Variants in DLGAP2 observed in about 807,000 individuals in gnomAD.
The protein encoded by DLGAP2 is disks large-associated protein 2.
DLGAP2 carries 26 observed loss-of-function variants against 100.3 expected under a neutral mutation model. That is an observed-to-expected ratio of 0.26 (90% CI 0.19 to 0.36). The LOEUF is 0.36. Among genes scored for constraint, DLGAP2 ranks in the 10% least tolerant of loss-of-function variants. DLGAP2 has a pLI of 1.00. For missense variants in DLGAP2, 1,858 were observed against 1,453.2 expected (o/e 1.28, Z -4.53); for synonymous variants, 886 against 630.1 (o/e 1.41, Z -6.08).
At position 1,211,131 on chromosome 8, in the gene DLGAP2, C is replaced by T. The variant is rs111759961; in HGVS notation, c.74-47720C>T. Among the ~76,000 whole-genome samples the T allele has an allele frequency of 7.1e-3, 1,087 of 152,280 alleles. 14 individuals are homozygous for T. Among genetic ancestry groups the T allele is most frequent in the South Asian group, 0.061 (296 of 4,822 alleles). Reference sequence around the variant, plus strand: ...TCCAAGCTTATTTTGAACAATGTTCCGTGGTTTTGCAACATGATCTCATGT... The same window carrying T: ...TCCAAGCTTATTTTGAACAATGTTCTGTGGTTTTGCAACATGATCTCATGT... On this transcript the variant is annotated intron_variant, in intron 2 of 14. Transcript: ENST00000637795.
chr8:1,457,975 C>CATATATAT (rs57897392), intron 3 of DLGAP2, among the ~76,000 whole-genome samples: 5,142 of 106,774 alleles, frequency 0.048, 141 homozygotes, highest in Non-Finnish European at 0.057. Context: ...GTTCTCTGAT[C>CATATATAT]ATATATATAT....
At chr8:1,130,346 TTTA>T (rs1378212185) in intron 2 of DLGAP2, among the ~76,000 whole-genome samples, 1 of 152,180 alleles carries the variant, frequency 6.6e-6, no homozygotes, top group Non-Finnish European at 1.5e-5. Flanking sequence ...TTTTTTCTCA[TTTA>T]TTATTCAAAA....
In DLGAP2 at chr8:758,997, C is replaced by A. The variant is rs930529139; in HGVS notation, c.18+21172C>A. On this transcript the variant is annotated intron_variant, in intron 1 of 14. Coordinates refer to ENST00000637795, the MANE Select transcript of DLGAP2 (RefSeq NM_001346810.2). ...CACAACCTTCCCATTATCAATACCC[C>A]CAACAGCCTTCCCATTATCAATACC... Among the ~76,000 whole-genome samples, 4 of 151,250 alleles carry A rather than the reference C, an allele frequency of 2.6e-5. No individual in the cohort carries two copies. In the East Asian group the frequency reaches 7.7e-4, roughly 29 times the overall value.
chr8:1,177,921 C>T (rs1016978846), intron 2 of DLGAP2, among the ~76,000 whole-genome samples: 4 of 152,224 alleles, frequency 2.6e-5, no homozygotes, highest in Non-Finnish European at 5.9e-5. Context: ...TTCCGGCCAG[C>T]AAAGCCTTCA....
At chr8:1,053,104 G>A (rs1446865973) in intron 2 of DLGAP2, among the ~76,000 whole-genome samples, 1 of 152,206 alleles carries the variant, frequency 6.6e-6, no homozygotes, top group Non-Finnish European at 1.5e-5. Context: ...TTTGCCGTTT[G>A]CAATTTCGCA....
chr8:1,445,025 C>A (rs1016092909), intron 3 of DLGAP2, among the ~76,000 whole-genome samples: 2 of 151,502 alleles, frequency 1.3e-5, no homozygotes, highest in African/African-American at 4.8e-5. Flanking sequence ...CCACCTCGGC[C>A]TCCCAAAGTG....
intron 2 of DLGAP2, among the ~76,000 whole-genome samples, chr8:1,199,981 A>T (rs7827363): frequency 6.6e-6 from 1 of 151,356 alleles, no homozygotes; most frequent in Non-Finnish European, 1.5e-5. Flanking sequence ...AGCAGGGGTC[A>T]GTCTGTGCAT....
At chr8:1,092,155 G>C (rs1281125444) in intron 2 of DLGAP2, among the ~76,000 whole-genome samples, 1 of 152,090 alleles carries the variant, frequency 6.6e-6, no homozygotes, top group Non-Finnish European at 1.5e-5. Flanking sequence ...CTCTGTCCTC[G>C]CCTGCCTGGC....
chr8:1,297,731 T>A lies in DLGAP2; in HGVS notation c.106+38848T>A, dbSNP rs1205187938. On this transcript the variant is annotated intron_variant, in intron 3 of 14. Coordinates refer to ENST00000637795, the MANE Select transcript of DLGAP2 (RefSeq NM_001346810.2). Reference sequence around the variant, plus strand: ...ACAGGGAGGAGAAACGTGGCAGGCGTGAACAGACACCATGTGAGACGGAGG... The same window carrying A: ...ACAGGGAGGAGAAACGTGGCAGGCGAGAACAGACACCATGTGAGACGGAGG... 4.6e-3 allele frequency among the ~76,000 whole-genome samples: 487 copies of A among 105,560 alleles called. 20 individuals are homozygous for A. Among genetic ancestry groups the A allele is most frequent in the African/African-American group, 0.019 (460 of 24,316 alleles). The allele number at this position is 105,560 out of a possible 152,430, so 69.3% of individuals were successfully genotyped here. A position where few individuals can be genotyped will look rare whatever the true frequency, so the allele number is the denominator to read the frequency against.
intron 12 of DLGAP2, among the ~76,000 whole-genome samples, chr8:1,681,673 C>G (rs986800359): frequency 6.6e-6 from 1 of 152,140 alleles, no homozygotes; most frequent in African/African-American, 2.4e-5. Context: ...AATATCTAGA[C>G]CAGTTCTCCC....
intron 8 of DLGAP2, among the ~76,000 whole-genome samples, chr8:1,645,552 C>T (rs974454741): frequency 1.3e-5 from 2 of 152,046 alleles, no homozygotes; most frequent in South Asian, 2.1e-4. Context: ...TTATTTTTTC[C>T]CTGTAATGAT....
chr8:1,098,540 AG>A (rs577793039), intron 2 of DLGAP2, among the ~76,000 whole-genome samples: 113 of 152,084 alleles, frequency 7.4e-4, no homozygotes, highest in Admixed American at 3.7e-3. Flanking sequence ...GGACAGGCAC[AG>A]CGGGCTGGCC....
At chr8:1,618,061 T>C in intron 6 of DLGAP2, among the ~76,000 whole-genome samples, 1 of 152,198 alleles carries the variant, frequency 6.6e-6, no homozygotes, top group Non-Finnish European at 1.5e-5. Flanking sequence ...GGATGCCGAC[T>C]CTCAGCTCCT....
At chr8:1,205,844 A>G (rs762387346) in intron 2 of DLGAP2, among the ~76,000 whole-genome samples, 6 of 152,096 alleles carry the variant, frequency 3.9e-5, no homozygotes, top group Non-Finnish European at 8.8e-5. Flanking sequence ...TCTGGAGTAG[A>G]TATTTTTCCC....
intron 5 of DLGAP2, among the ~76,000 whole-genome samples, chr8:1,563,503 T>C (rs905757285): frequency 1.3e-4 from 16 of 121,958 alleles, no homozygotes; most frequent in Admixed American, 4.3e-4. Context: ...TGTGTGGTGT[T>C]GGGGTGTCCG....
At chr8:1,633,485 G>A (rs938344114) in intron 8 of DLGAP2, among the ~76,000 whole-genome samples, 6 of 152,262 alleles carry the variant, frequency 3.9e-5, no homozygotes, top group East Asian at 1.9e-4. Context: ...ACTCACCGCC[G>A]CTAAGCAGGT....
intron 2 of DLGAP2, among the ~76,000 whole-genome samples, chr8:908,340 A>G (rs1467315419): frequency 6.6e-6 from 1 of 152,164 alleles, no homozygotes; most frequent in Non-Finnish European, 1.5e-5. Context: ...CTAGAGAGAA[A>G]TGTGTTTGGA....
chr8:1,578,908 C>T (rs2130630721), intron 6 of DLGAP2, among the ~76,000 whole-genome samples: 1 of 152,304 alleles, frequency 6.6e-6, no homozygotes, highest in East Asian at 1.9e-4. Context: ...CAGACCCTGC[C>T]CACGTGCAGA....
chr8:1,355,299 TC>T (rs1174685876), intron 3 of DLGAP2, among the ~76,000 whole-genome samples: 4 of 152,256 alleles, frequency 2.6e-5, no homozygotes, highest in African/African-American at 9.6e-5. Flanking sequence ...ACAGGGGTTG[TC>T]TCTGGGTGGT....
Sources: allele counts gnomAD v4.1 joint callset (sites outside exome capture counted in the v4.1 genomes callset), GRCh38; gene constraint gnomAD v4.1.1; transcripts MANE v1.5; gene names NCBI Gene and HGNC (gene_info 2026-07-23, HGNC 2026-07-21).